Variants in ATRN observed in about 807,000 individuals in gnomAD.
The protein encoded by ATRN is attractin, also known as attractin-2.
A neutral mutation model predicts 178.7 loss-of-function variants in ATRN; 54 were observed. The observed-to-expected ratio is 0.30, with a 90% confidence interval of 0.24 to 0.38. The LOEUF (loss-of-function observed/expected upper bound fraction) is 0.38, where lower values mean the gene tolerates loss of function less well. Among genes scored for constraint, ATRN ranks in the 10% least tolerant of loss-of-function variants. ATRN has a pLI of 1.00. For synonymous variants in ATRN, 636 were observed against 663.0 expected (o/e 0.96, Z 0.63); for missense variants, 1,443 against 1,815.1 (o/e 0.79, Z 3.73).
At chr20:3,563,141 A>C in intron 9 of ATRN, 68 bp from the exon 10 acceptor site, 2 of 1,401,286 alleles carry the variant, frequency 1.4e-6, no homozygotes, top group Non-Finnish European at 2.0e-6. Context: ...TTGTGCTTGC[A>C]TTAGCAGATA....
chr20:3,619,756 A>G (rs928840661), intron 24 of ATRN, among the ~76,000 whole-genome samples: 6 of 152,188 alleles, frequency 3.9e-5, no homozygotes, highest in Admixed American at 1.3e-4. Context: ...CCTCAGGAAC[A>G]TACAGAAACC....
chr20:3,600,796 A>G (rs1247259036), intron 22 of ATRN, 150 bp from the exon 23 acceptor site: 1 of 700,282 alleles, frequency 1.4e-6, no homozygotes, highest in East Asian at 2.9e-5. Context: ...AAAATTGGTT[A>G]GAAATTTTGC....
chr20:3,513,512 C>T (rs1012829904), intron 1 of ATRN, among the ~76,000 whole-genome samples: 38 of 152,246 alleles, frequency 2.5e-4, no homozygotes, highest in African/African-American at 9.1e-4. Flanking sequence ...GTTACTGTAG[C>T]CTTGTAGTAT....
At chr20:3,621,191 G>A (rs73074686) in intron 24 of ATRN, among the ~76,000 whole-genome samples, 3,313 of 152,200 alleles carry the variant, frequency 0.022, 48 homozygotes, top group Non-Finnish European at 0.034. Context: ...CAGTGGGGCC[G>A]GGGATGCTTA....
chr20:3,566,280 C>G (rs2086034608), intron 11 of ATRN, among the ~76,000 whole-genome samples: 1 of 152,116 alleles, frequency 6.6e-6, no homozygotes, highest in Non-Finnish European at 1.5e-5. Flanking sequence ...TCAAAAATGC[C>G]TGGCCCAAAC....
At chr20:3,549,123 G>T in intron 5 of ATRN, 47 bp from the exon 6 acceptor site, 1 of 1,479,070 alleles carries the variant, frequency 6.8e-7, no homozygotes, top group Non-Finnish European at 9.1e-7. Flanking sequence ...AATGCAGTAA[G>T]CTTTAAAGCT....
At chr20:3,514,136 T>C (rs982574135) in intron 1 of ATRN, among the ~76,000 whole-genome samples, 2 of 152,322 alleles carry the variant, frequency 1.3e-5, no homozygotes, top group Middle Eastern at 3.4e-3. Flanking sequence ...GAGCTGTTCC[T>C]ATTCAGCCAT....
At chr20:3,574,962 T>C (rs1293597671) in intron 12 of ATRN, among the ~76,000 whole-genome samples, 1 of 38,410 alleles carries the variant, frequency 2.6e-5, no homozygotes, top group Non-Finnish European at 4.1e-5. Flanking sequence ...GCAGCTTCTC[T>C]CTTTTTTTTT....
At chr20:3,486,637 C>T (rs1039466999) in intron 1 of ATRN, among the ~76,000 whole-genome samples, 7 of 152,134 alleles carry the variant, frequency 4.6e-5, no homozygotes, top group African/African-American at 1.4e-4. Context: ...CCGCCTTGGC[C>T]TCCCAAAGTG....
At chr20:3,607,704 C>A (rs1282820854) in intron 24 of ATRN, among the ~76,000 whole-genome samples, 1 of 152,188 alleles carries the variant, frequency 6.6e-6, no homozygotes, top group Non-Finnish European at 1.5e-5. Context: ...CAGTATCTCT[C>A]CAGTATACTG....
intron 6 of ATRN, among the ~76,000 whole-genome samples, chr20:3,549,880 T>C (rs1348233704): frequency 6.6e-6 from 1 of 152,182 alleles, no homozygotes; most frequent in Admixed American, 6.5e-5. Flanking sequence ...TTTCTATTAA[T>C]GAAGATTGTC....
chr20:3,489,964 C>T (rs2084762755), intron 1 of ATRN: 1 of 1,033,144 alleles, frequency 9.7e-7, no homozygotes, highest in Non-Finnish European at 1.5e-6. Flanking sequence ...TCTTGCTCTT[C>T]TCCTGTCCTT....
At chr20:3,542,173 C>T (rs1029993842) in intron 3 of ATRN, among the ~76,000 whole-genome samples, 5 of 152,296 alleles carry the variant, frequency 3.3e-5, no homozygotes, top group African/African-American at 1.2e-4. Flanking sequence ...TGAAACATAA[C>T]TTGTAGCAAA....
Position 3,646,875 on chromosome 20 carries a change from C to T in ATRN, c.*28C>T, listed in dbSNP as rs372076827. The T allele has an allele frequency of 2.5e-5, 41 of 1,611,460 alleles. No homozygotes were observed. The highest frequency in any genetic ancestry group is 6.7e-5 in the East Asian group (3 of 44,846). ...CTGGGGCCAGGGACTCTCCCACGCACGAGCTAGTGAGTGGCACACCAGAGC... is the reference window on the plus strand; with the variant it reads ...CTGGGGCCAGGGACTCTCCCACGCATGAGCTAGTGAGTGGCACACCAGAGC... On this transcript the variant is annotated 3_prime_UTR_variant, in exon 29 of 29. Transcript: ENST00000262919.
intron 19 of ATRN, chr20:3,592,543 C>A: frequency 4.3e-6 from 4 of 927,678 alleles, no homozygotes; most frequent in Non-Finnish European, 5.1e-6. Context: ...ATTCTAGTTT[C>A]CAGCCAAAAA....
chr20:3,489,470 A>G (rs1196314617), intron 1 of ATRN: 13 of 969,626 alleles, frequency 1.3e-5, no homozygotes, highest in South Asian at 7.7e-5. Context: ...GGAGAAATAG[A>G]AAAAACAGAT....
chr20:3,510,689 C>T (rs972219741), intron 1 of ATRN, among the ~76,000 whole-genome samples: 11 of 152,118 alleles, frequency 7.2e-5, no homozygotes, highest in Admixed American at 6.6e-4. Context: ...GATCTGGAGG[C>T]ATACGTTGCC....
chr20:3,567,282 C>T (rs1322353436), intron 11 of ATRN, among the ~76,000 whole-genome samples: 1 of 151,418 alleles, frequency 6.6e-6, no homozygotes, highest in Non-Finnish European at 1.5e-5. Context: ...CGTTTGTGTT[C>T]CTAGTTCTCC....
chr20:3,580,316 A>ACCCTTTCTCTCT (rs970755584), intron 15 of ATRN, among the ~76,000 whole-genome samples: 7 of 152,182 alleles, frequency 4.6e-5, no homozygotes, highest in African/African-American at 1.7e-4. Context: ...TACTTCTGGT[A>ACCCTTTCTCTCT]CCCTTTCTCT....
Sources: gnomAD v4.1 joint callset for allele counts (sites outside exome capture counted in the v4.1 genomes callset) on GRCh38, gnomAD v4.1.1 for gene constraint, MANE v1.5 for transcripts, NCBI Gene and HGNC (gene_info 2026-07-23, HGNC 2026-07-21) for gene names.